CDON: variants seen among roughly 807,000 people sequenced by gnomAD.
CDON encodes cell adhesion molecule-related/down-regulated by oncogenes.
A neutral mutation model predicts 120.9 loss-of-function variants in CDON; 73 were observed. The ratio of observed to expected loss-of-function variants is 0.60; its 90% CI spans 0.50 to 0.73. The LOEUF (loss-of-function observed/expected upper bound fraction) is 0.73. Ranked by LOEUF, CDON falls within the 30% of genes least tolerant of loss-of-function variation. The probability of loss-of-function intolerance (pLI) is 0.00; values close to 1 mark genes in which losing one functional copy is unlikely to be tolerated. For missense variants in CDON, 1,470 were observed against 1,587.3 expected (o/e 0.93, Z 1.26); for synonymous variants, 566 against 573.5 (o/e 0.99, Z 0.19).
At position 125,994,860 on chromosome 11, in the gene CDON, T is replaced by C; in HGVS notation, c.2544+11A>G. 1 of 1,608,590 alleles carries C rather than the reference T, an allele frequency of 6.2e-7. No individual in the cohort carries two copies. The highest frequency in any genetic ancestry group is 8.5e-7 in the Non-Finnish European group (1 of 1,175,080). ...AACCACAAAATCTCATTCCAGAAGA[T>C]GTGTACTGACCGTCCACTTTAGCAT... On this transcript the variant is annotated intron_variant, in intron 13 of 19. Coordinates refer to ENST00000531738, the MANE Select transcript of CDON (RefSeq NM_001378964.1).
chr11:125,968,453 C>T (rs768670658), intron 18 of CDON, among the ~76,000 whole-genome samples: 15 of 152,118 alleles, frequency 9.9e-5, no homozygotes, highest in Admixed American at 9.2e-4. Flanking sequence ...GAGACAGAGG[C>T]GCAAGGGCCA....
chr11:126,052,127 A>C (rs574527185), intron 1 of CDON, among the ~76,000 whole-genome samples: 16 of 152,320 alleles, frequency 1.1e-4, no homozygotes, highest in Admixed American at 6.5e-4. Flanking sequence ...AAACAAAAAA[A>C]ACTTTAGCTC....
chr11:125,987,573 A>G (rs950418763), intron 15 of CDON, among the ~76,000 whole-genome samples: 1 of 152,234 alleles, frequency 6.6e-6, no homozygotes, highest in Non-Finnish European at 1.5e-5. Flanking sequence ...CACTGACCTG[A>G]AAGTCTGTAG....
intron 1 of CDON, among the ~76,000 whole-genome samples, chr11:126,032,805 C>G (rs1947977689): frequency 6.6e-6 from 1 of 152,090 alleles, no homozygotes; most frequent in Non-Finnish European, 1.5e-5. Flanking sequence ...ACAGAAATTC[C>G]AAGACCAGCC....
At position 126,019,613 on chromosome 11, in the gene CDON, T is replaced by A; in HGVS notation, c.496+6A>T. The A allele has an allele frequency of 6.2e-7, 1 of 1,614,058 alleles. No homozygotes were observed. The highest frequency in any genetic ancestry group is 8.5e-7 in the Non-Finnish European group (1 of 1,179,984). ...TGTGCCACCGGCTTTTCACAAAAGG[T>A]CTCACCTGTGGAATGTTCCAGCCAT... On this transcript the variant is annotated splice_donor_region_variant and intron_variant, in intron 4 of 19. Coordinates refer to ENST00000531738, the MANE Select transcript of CDON (RefSeq NM_001378964.1).
chr11:125,997,481 G>T, intron 11 of CDON, 71 bp from the exon 12 acceptor site: 1 of 1,164,028 alleles, frequency 8.6e-7, no homozygotes, highest in Non-Finnish European at 1.3e-6. Flanking sequence ...AAATTAAAGG[G>T]ATAAGTCCCA....
chr11:125,992,296 C>T (rs1265207573), intron 14 of CDON, among the ~76,000 whole-genome samples: 1 of 151,960 alleles, frequency 6.6e-6, no homozygotes, highest in Non-Finnish European at 1.5e-5. Context: ...TGGCAAAGAC[C>T]GCAATTACTT....
chr11:125,992,657 C>A (rs1350821850), intron 14 of CDON, among the ~76,000 whole-genome samples: 1 of 152,184 alleles, frequency 6.6e-6, no homozygotes, highest in Non-Finnish European at 1.5e-5. Context: ...ATGTGCTGAG[C>A]ATTAAAAATT....
intron 11 of CDON, among the ~76,000 whole-genome samples, chr11:125,997,670 T>C (rs1946828673): frequency 1.3e-5 from 2 of 152,230 alleles, no homozygotes; most frequent in Admixed American, 1.3e-4. Context: ...TATGATCATT[T>C]TGACCATGCT....
intron 11 of CDON, 152 bp downstream of exon 11, chr11:126,001,567 A>T (rs1043455027): frequency 7.8e-6 from 5 of 643,158 alleles, no homozygotes; most frequent in Admixed American, 2.6e-5. Context: ...CTAAAGTTTA[A>T]ATATAGGACA....
intron 18 of CDON, among the ~76,000 whole-genome samples, chr11:125,970,237 C>T (rs532408610): frequency 2.2e-4 from 32 of 146,250 alleles, no homozygotes; most frequent in South Asian, 8.7e-4. Context: ...TGCAGTGGCG[C>T]GATCTCGACT....
At chr11:126,007,843 C>T (rs1278362265) in intron 8 of CDON, among the ~76,000 whole-genome samples, 3 of 152,132 alleles carry the variant, frequency 2.0e-5, no homozygotes, top group African/African-American at 4.8e-5. Context: ...ACTGAAAAGA[C>T]CTTACCAGTA....
intron 14 of CDON, among the ~76,000 whole-genome samples, chr11:125,991,369 A>G (rs1238930423): frequency 2.0e-5 from 3 of 152,214 alleles, no homozygotes; most frequent in African/African-American, 7.2e-5. Flanking sequence ...CCCAAAGGAT[A>G]TTTTAGAAAA....
At chr11:126,008,120 C>A (rs1013923175) in intron 8 of CDON, among the ~76,000 whole-genome samples, 1 of 152,142 alleles carries the variant, frequency 6.6e-6, no homozygotes, top group Non-Finnish European at 1.5e-5. Flanking sequence ...GAAACCCGCA[C>A]CAACTCTCAT....
At chr11:126,032,969 C>G (rs533351463) in intron 1 of CDON, among the ~76,000 whole-genome samples, 4 of 152,172 alleles carry the variant, frequency 2.6e-5, no homozygotes. Context: ...GATCGCACCA[C>G]TGTACTCCTA....
At chr11:125,968,797 T>C (rs1945879024) in intron 18 of CDON, among the ~76,000 whole-genome samples, 1 of 152,198 alleles carries the variant, frequency 6.6e-6, no homozygotes, top group Non-Finnish European at 1.5e-5. Flanking sequence ...CTCATAATCA[T>C]CAGTAATTAA....
Position 125,960,957 on chromosome 11 carries a change from C to A in CDON, c.3780G>T (p.Gln1260His). 6.2e-7 allele frequency: 1 copy of A among 1,614,190 alleles called. No homozygotes were observed. The highest frequency in any genetic ancestry group is 1.1e-5 in the South Asian group (1 of 91,088). ...TTGCATGTCCTCAGGTTTCCCGGGG[C>A]TGCTGAAGGACCTCTGTCGGGCTGT... Reference protein sequence around the residue: ...PLDSPTEVLQQPRET With the variant: ...PLDSPTEVLQHPRET The change falls in exon 20 of 20, where the codon CAG becomes CAT. Residue 1260 changes from glutamine to histidine, a missense_variant. Physicochemically the swap from Gln to His is conservative, Grantham distance 24. Coordinates refer to ENST00000531738, the MANE Select transcript of CDON (RefSeq NM_001378964.1).
intron 1 of CDON, among the ~76,000 whole-genome samples, chr11:126,050,262 A>T (rs1948522054): frequency 6.6e-6 from 1 of 151,976 alleles, no homozygotes; most frequent in Admixed American, 6.6e-5. Context: ...TAGCTATTTT[A>T]ATCTATTCCT....
At chr11:126,024,872 T>C (rs867480103) in intron 1 of CDON, among the ~76,000 whole-genome samples, 4 of 152,278 alleles carry the variant, frequency 2.6e-5, no homozygotes, top group Middle Eastern at 6.8e-3. Context: ...AGGTAGTGAA[T>C]GAAACAGAAA....
Sources: gnomAD v4.1 joint callset for allele counts (sites outside exome capture counted in the v4.1 genomes callset) on GRCh38, gnomAD v4.1.1 for gene constraint, MANE v1.5 for transcripts, NCBI Gene and HGNC (gene_info 2026-07-23, HGNC 2026-07-21) for gene names.